CDH3: variants seen among roughly 807,000 people sequenced by gnomAD.
CDH3 encodes cadherin 3.
A neutral mutation model predicts 82.0 loss-of-function variants in CDH3; 54 were observed. The ratio of observed to expected loss-of-function variants is 0.66; its 90% CI spans 0.53 to 0.83. CDH3 has a LOEUF of 0.83. Ranked by LOEUF, CDH3 falls within the 40% of genes least tolerant of loss-of-function variation. The probability of loss-of-function intolerance (pLI) is 0.00; values close to 1 mark genes in which losing one functional copy is unlikely to be tolerated. For synonymous variants in CDH3, 446 were observed against 437.9 expected (o/e 1.02, Z -0.23); for missense variants, 1,054 against 1,084.6 (o/e 0.97, Z 0.40).
At chr16:68,645,592 C>A in intron 1 of CDH3, 44 bp from the exon 2 acceptor site, 1 of 1,496,814 alleles carries the variant, frequency 6.7e-7, no homozygotes, top group African/African-American at 1.4e-5. Flanking sequence ...CAGGGCCGGG[C>A]ACGCCTGGAC....
At chr16:68,667,523 C>A (rs951730367) in intron 2 of CDH3, among the ~76,000 whole-genome samples, 2 of 152,118 alleles carry the variant, frequency 1.3e-5, no homozygotes. Flanking sequence ...GACATCAGGA[C>A]CAGATAGCAC....
intron 2 of CDH3, 97 bp downstream of exon 2, chr16:68,645,847 T>G: frequency 1.1e-6 from 1 of 898,250 alleles, no homozygotes; most frequent in East Asian, 2.7e-5. Context: ...AAGGGACTCC[T>G]GGCGCCACCT....
chr16:68,714,306 A>C (rs9806960), intron 1 of CDH3, among the ~76,000 whole-genome samples: 12 of 151,916 alleles, frequency 7.9e-5, no homozygotes, highest in Non-Finnish European at 1.6e-4. Context: ...CCCCAGCACC[A>C]AGCACAGGAC....
chr16:68,658,205 A>G (rs1241034018), intron 2 of CDH3, among the ~76,000 whole-genome samples: 3 of 151,584 alleles, frequency 2.0e-5, no homozygotes, highest in African/African-American at 4.8e-5. Context: ...GCCCCCAGTC[A>G]TTTTATAGAG....
chr16:68,656,930 C>T (rs1960422581), intron 2 of CDH3, among the ~76,000 whole-genome samples: 1 of 152,168 alleles, frequency 6.6e-6, no homozygotes, highest in South Asian at 2.1e-4. Flanking sequence ...CTCAAACTGA[C>T]AGCCCTCTGC....
chr16:68,679,195 C>T (rs1259317668), intron 6 of CDH3, among the ~76,000 whole-genome samples: 2 of 152,216 alleles, frequency 1.3e-5, no homozygotes, highest in African/African-American at 4.8e-5. Flanking sequence ...TGGCTTTGCC[C>T]TCTTTACCGG....
At chr16:68,678,973 C>A in intron 6 of CDH3, 67 bp downstream of exon 6, 1 of 1,513,388 alleles carries the variant, frequency 6.6e-7, no homozygotes, top group Non-Finnish European at 9.2e-7. Flanking sequence ...AAAGATCCCA[C>A]CATACCTGAT....
intron 11 of CDH3, among the ~76,000 whole-genome samples, chr16:68,687,136 G>C (rs909935194): frequency 6.6e-6 from 1 of 152,214 alleles, no homozygotes; most frequent in South Asian, 2.1e-4. Flanking sequence ...AGGTTATGAC[G>C]TAGTTGTCAC....
intron 2 of CDH3, among the ~76,000 whole-genome samples, chr16:68,673,359 C>T (rs1458004397): frequency 3.3e-5 from 5 of 152,160 alleles, no homozygotes; most frequent in African/African-American, 7.2e-5. Context: ...TGTGCAACAT[C>T]GCCATTATCT....
chr16:68,727,309 C>T (rs1004319570), exon 3 of CDH3, among the ~76,000 whole-genome samples: 8 of 152,304 alleles, frequency 5.3e-5, no homozygotes, highest in Non-Finnish European at 1.0e-4. Context: ...TCCTGGTTCT[C>T]CAGCTTGTAG....
chr16:68,681,263 T>G (rs796833445), intron 8 of CDH3, among the ~76,000 whole-genome samples, 167 bp downstream of exon 8: 11 of 152,340 alleles, frequency 7.2e-5, no homozygotes, highest in African/African-American at 2.6e-4. Flanking sequence ...TTTCCTAATC[T>G]GTGAAAAGGA....
At position 68,645,715 on chromosome 16, in the gene CDH3, G is replaced by A. The variant is rs1040982534; in HGVS notation, c.125G>A (p.Gly42Asp). ...REAEVTLEAGGAEQEPGQALG... is the reference protein window; with the variant it reads ...REAEVTLEAGDAEQEPGQALG... ...GCTGAAGTGACCTTGGAGGCGGGAG[G>A]CGCGGAGCAGGAGCCCGGCCAGGCG... The change falls in exon 2 of 16, where the codon GGC (glycine) becomes GAC (aspartate). Residue 42 changes from glycine to aspartate, a missense_variant. By Grantham distance (94) the Gly-to-Asp change is moderately conservative. Coordinates refer to ENST00000264012, the MANE Select transcript of CDH3 (RefSeq NM_001793.6). 7 of 1,545,604 alleles carry A rather than the reference G, an allele frequency of 4.5e-6. No homozygotes were observed. The highest frequency in any genetic ancestry group is 6.1e-6 in the Non-Finnish European group (7 of 1,146,474).
chr16:68,671,610 C>T (rs1396929742), intron 2 of CDH3, among the ~76,000 whole-genome samples: 2 of 144,714 alleles, frequency 1.4e-5, no homozygotes, highest in African/African-American at 5.1e-5. Flanking sequence ...CAACCTCTGT[C>T]TCCTGGGTTC....
intron 2 of CDH3, among the ~76,000 whole-genome samples, chr16:68,723,451 A>G (rs1597831690): frequency 6.6e-6 from 1 of 152,322 alleles, no homozygotes; most frequent in Non-Finnish European, 1.5e-5. Flanking sequence ...GTGCAGTGCC[A>G]GTTTTCAATC....
downstream of CDH3, among the ~76,000 whole-genome samples, chr16:68,732,227 G>C (rs1187144017): frequency 6.6e-6 from 1 of 152,068 alleles, no homozygotes; most frequent in Non-Finnish European, 1.5e-5. Context: ...ACCTAGCCAG[G>C]AGCCTGATCA....
rs142579597 is a variant in CDH3 at position 68,672,185 on chromosome 16, C to T, written c.161-4200C>T. ...TCCAGCCTGGGCGACAGCGAGACTC[C>T]GTCTCAAAAAAAAAAAAAATAAATA... is the stretch of plus-strand genomic sequence containing the variant. On this transcript the variant is annotated intron_variant, in intron 2 of 15. Coordinates refer to ENST00000264012, the MANE Select transcript of CDH3 (RefSeq NM_001793.6). 6.1e-3 allele frequency among the ~76,000 whole-genome samples: 674 copies of T among 111,126 alleles called. 10 individuals are homozygous for T. The highest frequency in any genetic ancestry group is 0.022 in the African/African-American group (620 of 28,058). 72.9% of individuals were successfully genotyped at this position (111,126 alleles called of 152,430 possible).
chr16:68,731,449 C>A (rs1962290978), downstream of CDH3, among the ~76,000 whole-genome samples: 1 of 11,636 alleles, frequency 8.6e-5, no homozygotes, highest in Non-Finnish European at 1.9e-4. Flanking sequence ...TATACACACA[C>A]ACGTATATAC....
At chr16:68,700,706 C>A (rs1443370541), downstream of CDH3, among the ~76,000 whole-genome samples, 1 of 152,140 alleles carries the variant, frequency 6.6e-6, no homozygotes, top group East Asian at 1.9e-4. Flanking sequence ...ACTAAAAATA[C>A]AAAAATTAGC....
At chr16:68,698,094 G>A (rs1230379450) in intron 15 of CDH3, 97 bp from the exon 16 acceptor site, 1 of 1,071,918 alleles carries the variant, frequency 9.3e-7, no homozygotes, top group African/African-American at 1.6e-5. Context: ...AACCTTTAGG[G>A]GAGGGGAGAG....
Sources: allele counts gnomAD v4.1 joint callset (sites outside exome capture counted in the v4.1 genomes callset), GRCh38; gene constraint gnomAD v4.1.1; transcripts MANE v1.5; gene names NCBI Gene and HGNC (gene_info 2026-07-23, HGNC 2026-07-21).